COPG1: variants seen among roughly 807,000 people sequenced by gnomAD.
The protein encoded by COPG1 is coatomer subunit gamma-1.
In COPG1, 29 loss-of-function variants were observed where a neutral mutation model predicts 102.8. The observed-to-expected ratio is 0.28, with a 90% CI of 0.21 to 0.38. COPG1 has a LOEUF of 0.38. Among genes scored for constraint, COPG1 ranks in the 10% least tolerant of loss-of-function variants. The pLI, the probability that COPG1 is intolerant of heterozygous loss-of-function variation, is 1.00. For synonymous variants in COPG1, 406 were observed against 421.6 expected (o/e 0.96, Z 0.45); for missense variants, 875 against 1,132.7 (o/e 0.77, Z 3.27).
intron 2 of COPG1, among the ~76,000 whole-genome samples, chr3:129,251,370 T>TA (rs1939694246): frequency 1.5e-5 from 2 of 129,374 alleles, no homozygotes; most frequent in East Asian, 4.1e-4. Context: ...ATATATATTT[T>TA]TTATATATAT....
chr3:129,277,601 CT>C lies in COPG1; in HGVS notation c.*196del, dbSNP rs35073725. 38,763 of 299,922 alleles carry C rather than the reference CT, an allele frequency of 0.13. 981 individuals carry two copies. The highest frequency in any genetic ancestry group is 0.24 in the African/African-American group (10,039 of 41,136). 18.6% of individuals were successfully genotyped at this position (299,922 alleles called of 1,614,324 possible). A position where few individuals can be genotyped will look rare whatever the true frequency, so the allele number is the denominator to read the frequency against. ...CCCACCCGGGACTACTTGCTGGTGA[CT>C]TTTTTTTTTTTTTTTTTTAAATAGG... On this transcript the variant is annotated 3_prime_UTR_variant, in exon 24 of 24. Coordinates refer to ENST00000314797, the MANE Select transcript of COPG1 (RefSeq NM_016128.4).
At chr3:129,254,069 C>T (rs1368977490) in intron 5 of COPG1, among the ~76,000 whole-genome samples, 1 of 149,060 alleles carries the variant, frequency 6.7e-6, no homozygotes, top group African/African-American at 2.5e-5. Context: ...GAGGCCGAGG[C>T]GGGTGGATCA....
In COPG1 at chr3:129,277,326, C is replaced by G; in HGVS notation, c.2527C>G (p.Arg843Gly). The G allele has an allele frequency of 6.2e-7, 1 of 1,613,920 alleles. No individual in the cohort carries two copies. Among genetic ancestry groups the G allele is most frequent in the Non-Finnish European group, 8.5e-7 (1 of 1,179,950 alleles). ...VFRGGHDILV[R>G]SRLLLLDTVT... ...CCGGGGTGGTCATGACATCCTGGTG[C>G]GCTCCCGGCTGCTGCTTTTGGACAC... Residue 843 changes from arginine (R) to glycine (G), a missense_variant, in exon 24 of 24, where the codon CGC (arginine) becomes GGC (glycine). By Grantham distance (125) the Arg-to-Gly change is moderately radical. Transcript: ENST00000314797.
chr3:129,252,863 A>C lies in COPG1; in HGVS notation c.244-13A>C, dbSNP rs1939728873. 1.2e-6 allele frequency: 2 copies of C among 1,612,834 alleles called. No individual in the cohort carries two copies. The highest frequency in any genetic ancestry group is 2.2e-5 in the East Asian group (1 of 44,870). On this transcript the variant is annotated splice_polypyrimidine_tract_variant and intron_variant, in intron 4 of 23. Transcript: ENST00000314797. ...AGCCCGGGCTGATAGGGCTTTTCCC[A>C]CCTATCTCCCAGCCCACACTCCGTC...
chr3:129,264,229 C>A (rs1188883475), intron 13 of COPG1, among the ~76,000 whole-genome samples: 3 of 152,130 alleles, frequency 2.0e-5, no homozygotes, highest in Admixed American at 6.6e-5. Context: ...AACTGGATGT[C>A]CTGAGGTGAT....
In COPG1 at chr3:129,275,082, G is replaced by T. The variant is rs1191970145; in HGVS notation, c.2395+106G>T. ...CTCCAAGGATCCAGGGCCATGTCTG[G>T]AGCACATATGTCAAATGCCACTTCA... On this transcript the variant is annotated intron_variant, in intron 22 of 23. Transcript: ENST00000314797. The surrounding 1 kb of genome is among the most constrained non-coding windows in gnomAD (Gnocchi z 5.0). 2.0e-5 allele frequency: 30 copies of T among 1,503,448 alleles called. No homozygotes were observed. Among genetic ancestry groups the T allele is most frequent in the Non-Finnish European group, 2.7e-5 (29 of 1,086,476 alleles). 93.1% of individuals were successfully genotyped at this position (1,503,448 alleles called of 1,614,324 possible).
intron 18 of COPG1, among the ~76,000 whole-genome samples, chr3:129,270,607 T>A (rs367682775): frequency 1.4e-4 from 21 of 152,298 alleles, no homozygotes; most frequent in East Asian, 9.6e-4. Flanking sequence ...TCTGGGCTTT[T>A]TATTGCCTGC....
chr3:129,260,071 C>G (rs755074738), intron 10 of COPG1, among the ~76,000 whole-genome samples: 3 of 152,206 alleles, frequency 2.0e-5, no homozygotes, highest in Admixed American at 6.5e-5. Flanking sequence ...GGCATGTCCA[C>G]TGTATAGCAC....
intron 10 of COPG1, 107 bp downstream of exon 10, chr3:129,257,967 A>T: frequency 7.0e-7 from 1 of 1,428,334 alleles, no homozygotes; most frequent in South Asian, 1.3e-5. Flanking sequence ...ACAAGTGTTA[A>T]GGAGTCTGTA....
chr3:129,250,080 G>T (rs1939662488), intron 1 of COPG1, among the ~76,000 whole-genome samples: 1 of 152,158 alleles, frequency 6.6e-6, no homozygotes, highest in Non-Finnish European at 1.5e-5. Context: ...CTGGGGCTAC[G>T]TTGGTGCTGG....
intron 1 of COPG1, 61 bp from the exon 2 acceptor site, chr3:129,250,621 G>A (rs1939674224): frequency 1.5e-6 from 2 of 1,349,204 alleles, no homozygotes; most frequent in South Asian, 2.3e-5. Flanking sequence ...CTTTACCTAT[G>A]TCTGGGAGAG....
In COPG1 at chr3:129,252,337, C is replaced by T. The variant is rs368399189; in HGVS notation, c.147C>T (p.Thr49=). The change falls in exon 3 of 24, where the codon ACC becomes ACT. Residue 49 remains threonine (T), a synonymous_variant. Transcript: ENST00000314797. ...INPRKCAHIL[T]KILYLINQGE... is the part of the protein sequence containing the mutation. Reference sequence around the variant, plus strand: ...CTCGGAAATGTGCCCACATCCTCACCAAGATTCTTTATCTCATAAACCAGG... The same window carrying T: ...CTCGGAAATGTGCCCACATCCTCACTAAGATTCTTTATCTCATAAACCAGG... 1 of 1,612,376 alleles carries T rather than the reference C, an allele frequency of 6.2e-7. No homozygotes were observed. The highest frequency in any genetic ancestry group is 8.5e-7 in the Non-Finnish European group (1 of 1,178,426).
At chr3:129,255,497 T>A (rs1035909764) in intron 7 of COPG1, among the ~76,000 whole-genome samples, 2 of 143,518 alleles carry the variant, frequency 1.4e-5, no homozygotes, top group Admixed American at 1.4e-4. Context: ...CTTTTTTTTT[T>A]TTTGAGACAG....
rs112739977 is a variant in COPG1 at position 129,266,315 on chromosome 3, G to A, written c.1468+523G>A. On this transcript the variant is annotated intron_variant, in intron 14 of 23. Coordinates refer to ENST00000314797, the MANE Select transcript of COPG1 (RefSeq NM_016128.4). ...ATTTTTTAAGTATTTTTTTAATTGA[G>A]ACGGGGTCTTGCTATGTTGTCCAGG... Among the ~76,000 whole-genome samples, 1,480 of 151,988 alleles carry A rather than the reference G, an allele frequency of 9.7e-3. 22 individuals carry two copies. Among genetic ancestry groups the A allele is most frequent in the African/African-American group, 0.034 (1,398 of 41,460 alleles).
At chr3:129,262,503 T>C (rs947395575) in intron 12 of COPG1, among the ~76,000 whole-genome samples, 1 of 152,050 alleles carries the variant, frequency 6.6e-6, no homozygotes, top group African/African-American at 2.4e-5. Context: ...TCAACCCGCC[T>C]TGGCCTCCCA....
chr3:129,267,185 A>C, intron 15 of COPG1, 86 bp downstream of exon 15: 1 of 1,002,522 alleles, frequency 1.0e-6, no homozygotes, highest in Non-Finnish European at 1.5e-6. Context: ...TTTTTAACTG[A>C]AAAGGGAGAG....
intron 4 of COPG1, 45 bp downstream of exon 4, chr3:129,252,739 C>G: frequency 6.3e-7 from 1 of 1,588,780 alleles, no homozygotes; most frequent in Non-Finnish European, 8.6e-7. Flanking sequence ...GCAGCTGTAA[C>G]AAGGTGGTGG....
rs144227930 is a variant in COPG1, at chr3:129,277,329, T to C, written c.2530T>C (p.Ser844Pro). Reference protein sequence around the residue: ...FRGGHDILVRSRLLLLDTVTM... With the variant: ...FRGGHDILVRPRLLLLDTVTM... ...GGGTGGTCATGACATCCTGGTGCGC[T>C]CCCGGCTGCTGCTTTTGGACACAGT... Residue 844 changes from serine to proline, a missense_variant, in exon 24 of 24, where the codon TCC becomes CCC. Transcript: ENST00000314797. The C allele has an allele frequency of 1.2e-6, 2 of 1,614,008 alleles. No individual in the cohort carries two copies. The highest frequency in any genetic ancestry group is 1.7e-6 in the Non-Finnish European group (2 of 1,179,974).
At chr3:129,250,827 A>AGC (rs1939678233) in intron 2 of COPG1, 93 bp downstream of exon 2, 2 of 1,181,356 alleles carry the variant, frequency 1.7e-6, no homozygotes, top group Non-Finnish European at 2.5e-6. Context: ...TGTTTTAAAG[A>AGC]GCAACACGGG....
Sources: gnomAD v4.1 joint callset for allele counts (sites outside exome capture counted in the v4.1 genomes callset) on GRCh38, gnomAD v4.1.1 for gene constraint, Gnocchi (gnomAD v3.1) non-coding constraint, MANE v1.5 for transcripts, NCBI Gene and HGNC (gene_info 2026-07-23, HGNC 2026-07-21) for gene names.